The following DCDC1 variants were observed in gnomAD, a reference collection of about 807,000 sequenced individuals.
DCDC1 encodes the protein doublecortin domain containing 1.
Under a neutral mutation model 178.3 loss-of-function variants are expected in DCDC1, and 200 were observed. The ratio of observed to expected loss-of-function variants is 1.12; its 90% confidence interval spans 1.00 to 1.26. DCDC1 has a LOEUF of 1.26. DCDC1 is among the 50% of genes most tolerant of loss of function. The pLI, the probability that DCDC1 is intolerant of heterozygous loss-of-function variation, is 0.00. For missense variants in DCDC1, 1,983 were observed against 1,749.2 expected, an observed-to-expected ratio of 1.13 and a Z score of -2.38; for synonymous variants, 690 against 604.8, an observed-to-expected ratio of 1.14 and a Z score of -2.07.
chr11:31,161,867 C>G (rs918213791), intron 9 of DCDC1, among the ~76,000 whole-genome samples: 6 of 152,070 alleles, frequency 3.9e-5, no homozygotes, highest in African/African-American at 1.4e-4. Context: ...ATATTTAGCA[C>G]CATAATGGAA....
At chr11:30,974,845 T>C (rs1231879645) in intron 20 of DCDC1, among the ~76,000 whole-genome samples, 1 of 151,944 alleles carries the variant, frequency 6.6e-6, no homozygotes, top group East Asian at 1.9e-4. Context: ...AAATAAAGAC[T>C]ATGGAACTCT....
chr11:31,238,883 T>C (rs1323468965), intron 9 of DCDC1, among the ~76,000 whole-genome samples: 1 of 152,134 alleles, frequency 6.6e-6, no homozygotes, highest in African/African-American at 2.4e-5. Context: ...CCTAATGTAG[T>C]GTGCTTAAAT....
intron 9 of DCDC1, among the ~76,000 whole-genome samples, chr11:31,176,973 A>T (rs964546178): frequency 1.3e-5 from 2 of 152,168 alleles, no homozygotes; most frequent in African/African-American, 4.8e-5. Flanking sequence ...AAAATCACTA[A>T]TAGAAGTAAA....
intron 20 of DCDC1, among the ~76,000 whole-genome samples, chr11:30,980,280 C>G (rs552264291): frequency 6.6e-6 from 1 of 152,202 alleles, no homozygotes; most frequent in African/African-American, 2.4e-5. Context: ...TCCTGCTTCA[C>G]TCAGTGGGCA....
At chr11:31,309,073 G>A (rs36089613) in intron 3 of DCDC1, among the ~76,000 whole-genome samples, 23 of 151,856 alleles carry the variant, frequency 1.5e-4, no homozygotes, top group Non-Finnish European at 2.5e-4. Flanking sequence ...GGTCACAAAC[G>A]AGTAAAATGG....
In DCDC1 at chr11:30,900,594, ATAACT is replaced by A. The variant is rs1484825364; in HGVS notation, c.4511-101_4511-97del. On this transcript the variant is annotated intron_variant, in intron 32 of 38. Coordinates refer to ENST00000684477, the MANE Select transcript of DCDC1 (RefSeq NM_001387274.1). ...ATTCAAAATATTTTATTATTCATTA[ATAACT>A]TAATTTGATTTAAACAGGCAATGCC... 2.5e-5 allele frequency: 30 copies of A among 1,222,590 alleles called. No homozygotes were observed. The South Asian group carries it at 5.7e-4, about 23-fold the overall frequency. The allele number at this position is 1,222,590 out of a possible 1,614,324, so 75.7% of individuals were successfully genotyped here. A position where few individuals can be genotyped will look rare whatever the true frequency, so the allele number is the denominator to read the frequency against.
At chr11:31,330,394 T>C (rs923274833) in intron 2 of DCDC1, among the ~76,000 whole-genome samples, 5 of 152,230 alleles carry the variant, frequency 3.3e-5, no homozygotes, top group South Asian at 2.1e-4. Context: ...AGAAGCTCTT[T>C]AGTTTAATTA....
At chr11:30,954,904 A>C (rs1448637494) in intron 20 of DCDC1, among the ~76,000 whole-genome samples, 1 of 152,192 alleles carries the variant, frequency 6.6e-6, no homozygotes, top group Non-Finnish European at 1.5e-5. Context: ...TGTTTCGTGG[A>C]GTGTTGGCTA....
chr11:31,099,196 G>A (rs374991359), intron 15 of DCDC1, among the ~76,000 whole-genome samples: 4 of 152,030 alleles, frequency 2.6e-5, no homozygotes, highest in Admixed American at 1.3e-4. Context: ...TTACTTAATC[G>A]ACTATTAAAT....
In DCDC1 at chr11:30,931,883, T is replaced by C. The variant is rs1039827839; in HGVS notation, c.2785A>G (p.Thr929Ala). The change falls in exon 22 of 39, where the codon ACA (threonine) becomes GCA (alanine). Residue 929 changes from threonine to alanine, a missense_variant. Coordinates refer to ENST00000684477, the MANE Select transcript of DCDC1 (RefSeq NM_001387274.1). ...CGCACAGGGGCATATGGCTCTGTTGTCTTACAGATGGGTTTCTTCATGGGA... is the reference window on the plus strand; with the variant it reads ...CGCACAGGGGCATATGGCTCTGTTGCCTTACAGATGGGTTTCTTCATGGGA... ...SPPMKKPICK[T>A]TEPYAPVRLR... 2 of 1,613,136 alleles carry C rather than the reference T, an allele frequency of 1.2e-6. No homozygotes were observed. Among genetic ancestry groups the C allele is most frequent in the African/African-American group, 1.3e-5 (1 of 75,016 alleles).
intron 20 of DCDC1, among the ~76,000 whole-genome samples, chr11:30,988,056 T>G (rs866942447): frequency 7.2e-5 from 11 of 151,952 alleles, no homozygotes; most frequent in Middle Eastern, 3.4e-3. Context: ...GACTGTGGAG[T>G]GTTTTGCAAG....
At chr11:30,957,845 G>T (rs577326101) in intron 20 of DCDC1, among the ~76,000 whole-genome samples, 8 of 152,260 alleles carry the variant, frequency 5.3e-5, no homozygotes, top group African/African-American at 1.7e-4. Context: ...TTTAGGCTCA[G>T]GCTCAAGCAA....
intron 15 of DCDC1, among the ~76,000 whole-genome samples, chr11:31,096,480 C>T (rs558766934): frequency 6.6e-6 from 1 of 152,328 alleles, no homozygotes; most frequent in Non-Finnish European, 1.5e-5. Context: ...GCACCTGCTG[C>T]CAGCGCCTAT....
At chr11:31,051,255 T>C (rs181603211) in intron 20 of DCDC1, among the ~76,000 whole-genome samples, 2 of 152,086 alleles carry the variant, frequency 1.3e-5, no homozygotes, top group African/African-American at 4.8e-5. Flanking sequence ...GTCTTCAAAT[T>C]AACAATCCAA....
intron 21 of DCDC1, chr11:30,944,004 T>C: frequency 4.0e-6 from 1 of 252,012 alleles, no homozygotes; most frequent in Admixed American, 5.0e-5. Flanking sequence ...AACAGGAGAA[T>C]TGGAGTCTCA....
At chr11:30,991,448 T>C (rs1009720838) in intron 20 of DCDC1, among the ~76,000 whole-genome samples, 1 of 152,166 alleles carries the variant, frequency 6.6e-6, no homozygotes, top group African/African-American at 2.4e-5. Flanking sequence ...CTGAATTGTA[T>C]TGGTGCTGAA....
chr11:31,192,774 G>A (rs1591363530), intron 9 of DCDC1, among the ~76,000 whole-genome samples: 1 of 152,076 alleles, frequency 6.6e-6, no homozygotes, highest in East Asian at 1.9e-4. Context: ...GATAAGGGAT[G>A]CCCAGACAGC....
intron 9 of DCDC1, among the ~76,000 whole-genome samples, chr11:31,239,330 C>T (rs1406359033): frequency 6.6e-6 from 1 of 151,780 alleles, no homozygotes; most frequent in Non-Finnish European, 1.5e-5. Context: ...CTAGGAAATC[C>T]CACTCACAAA....
intron 20 of DCDC1, 125 bp downstream of exon 20, chr11:31,064,344 T>C: frequency 1.7e-6 from 1 of 600,842 alleles, no homozygotes; most frequent in East Asian, 2.6e-5. Context: ...CAAAAACTAC[T>C]ACGCTTGAAA....
Sources: allele counts gnomAD v4.1 joint callset (sites outside exome capture counted in the v4.1 genomes callset), GRCh38; gene constraint gnomAD v4.1.1; transcripts MANE v1.5; gene names NCBI Gene and HGNC (gene_info 2026-07-23, HGNC 2026-07-21).